The following CDKL2 variants were observed in gnomAD, a reference collection of about 807,000 sequenced individuals.
The protein encoded by CDKL2 is cyclin dependent kinase like 2.
Under a neutral mutation model 63.9 loss-of-function variants are expected in CDKL2, and 64 were observed. That is an observed-to-expected ratio of 1.00 (90% confidence interval 0.82 to 1.23). CDKL2 has a LOEUF of 1.23. CDKL2 is among the 50% of genes most tolerant of loss of function. CDKL2 has a pLI of 0.00. For synonymous variants in CDKL2, 211 were observed against 229.2 expected (o/e 0.92, Z 0.72); for missense variants, 656 against 668.0 (o/e 0.98, Z 0.20).
intron 10 of CDKL2, among the ~76,000 whole-genome samples, chr4:75,592,965 C>T (rs1402393256): frequency 2.6e-5 from 4 of 152,108 alleles, no homozygotes; most frequent in Non-Finnish European, 4.4e-5. Context: ...ATTTTTCATT[C>T]GAGAATCACA....
At chr4:75,605,777 A>G in intron 4 of CDKL2, 143 bp from the exon 5 acceptor site, 2 of 571,696 alleles carry the variant, frequency 3.5e-6, no homozygotes, top group South Asian at 2.5e-5. Context: ...GCATGCTCCA[A>G]TGGTATAATG....
At chr4:75,614,042 G>A (rs1302605457) in intron 3 of CDKL2, among the ~76,000 whole-genome samples, 1 of 152,180 alleles carries the variant, frequency 6.6e-6, no homozygotes, top group Non-Finnish European at 1.5e-5. Context: ...GGGCGAAAGA[G>A]CGAGACTCTG....
chr4:75,592,001 T>A (rs1353745392), intron 11 of CDKL2, 76 bp from the exon 12 acceptor site: 5 of 1,324,020 alleles, frequency 3.8e-6, no homozygotes, highest in Non-Finnish European at 5.2e-6. Context: ...ATTCTCTACG[T>A]GTTCCTCAGT....
At chr4:75,608,066 C>T (rs574391417) in intron 3 of CDKL2, among the ~76,000 whole-genome samples, 3 of 150,396 alleles carry the variant, frequency 2.0e-5, no homozygotes, top group East Asian at 3.9e-4. Flanking sequence ...CTGCCCGCCT[C>T]GGCCTCCCGA....
At chr4:75,626,442 G>A (rs1010589671) in intron 1 of CDKL2, among the ~76,000 whole-genome samples, 2 of 151,956 alleles carry the variant, frequency 1.3e-5, no homozygotes, top group Non-Finnish European at 2.9e-5. Context: ...CAAGGTGGGC[G>A]GATCACAAGG....
intron 9 of CDKL2, 60 bp downstream of exon 9, chr4:75,596,875 C>A (rs758345031): frequency 1.2e-5 from 16 of 1,371,394 alleles, no homozygotes; most frequent in African/African-American, 1.4e-5. Context: ...ATTGACAAAC[C>A]CTTGCAATTT....
chr4:75,598,118 C>T lies in CDKL2; in HGVS notation c.979G>A (p.Asp327Asn), dbSNP rs758426435. The T allele has an allele frequency of 6.4e-7, 1 of 1,554,976 alleles. No individual in the cohort carries two copies. Among genetic ancestry groups the T allele is most frequent in the South Asian group, 1.2e-5 (1 of 82,606 alleles). Residue 327 changes from aspartate (D) to asparagine (N), a missense_variant, in exon 8 of 14, where the codon GAT becomes AAT. Transcript: ENST00000307465. ...SQNRKKEKEK[D>N]DSLVEERKTL... ...TTTCTTTCTTCAACTAAGGAATCAT[C>T]TTTTTCTTTTTCCTTCTTTCTGTTT...
intron 5 of CDKL2, among the ~76,000 whole-genome samples, chr4:75,604,813 A>C (rs1435087788): frequency 1.3e-5 from 2 of 152,162 alleles, no homozygotes; most frequent in Non-Finnish European, 2.9e-5. Flanking sequence ...CTCTCTCTTG[A>C]GGGGAAAGGG....
chr4:75,603,735 C>G, intron 6 of CDKL2, 82 bp downstream of exon 6: 1 of 731,002 alleles, frequency 1.4e-6, no homozygotes, highest in Non-Finnish European at 2.0e-6. Flanking sequence ...AAAAGATCAA[C>G]TAGACAAGTA....
At chr4:75,626,523 C>T (rs180888196) in intron 1 of CDKL2, among the ~76,000 whole-genome samples, 35 of 152,172 alleles carry the variant, frequency 2.3e-4, no homozygotes, top group African/African-American at 7.0e-4. Context: ...AAAAATTAGC[C>T]GGACTTGGTG....
rs988035093 is a variant in CDKL2, at chr4:75,630,256, TAGG to T, written c.-247_-245del. 2.0e-5 allele frequency: 3 copies of T among 152,560 alleles called. No homozygotes were observed. The highest frequency in any genetic ancestry group is 2.9e-5 in the Non-Finnish European group (2 of 68,104). 9.5% of individuals were successfully genotyped at this position (152,560 alleles called of 1,614,324 possible). A position where few individuals can be genotyped will look rare whatever the true frequency, so the allele number is the denominator to read the frequency against. On this transcript the variant is annotated 5_prime_UTR_variant, in exon 1 of 14. Transcript: ENST00000307465. ...CCTCGGTCCGCCGCAAGCTCACACT[TAGG>T]AGGACCACGGGCCGCATGCTGTCGT... is the stretch of plus-strand genomic sequence containing the variant.
chr4:75,590,342 C>T (rs1728664884), intron 12 of CDKL2, among the ~76,000 whole-genome samples: 1 of 152,166 alleles, frequency 6.6e-6, no homozygotes, highest in Non-Finnish European at 1.5e-5. Flanking sequence ...GCAATAAACC[C>T]TTTCATCAGC....
intron 6 of CDKL2, among the ~76,000 whole-genome samples, chr4:75,600,579 T>C (rs1199313110): frequency 6.6e-6 from 1 of 151,854 alleles, no homozygotes; most frequent in African/African-American, 2.4e-5. Context: ...TCCATCTCAG[T>C]CTCCTGAGTA....
intron 8 of CDKL2, 35 bp downstream of exon 8, chr4:75,598,042 A>G: frequency 7.6e-7 from 1 of 1,320,422 alleles, no homozygotes; most frequent in Non-Finnish European, 1.0e-6. Context: ...AAAAATAAGT[A>G]TATTAAATCT....
At chr4:75,589,181 G>A (rs934757281) in intron 12 of CDKL2, among the ~76,000 whole-genome samples, 7 of 151,940 alleles carry the variant, frequency 4.6e-5, no homozygotes, top group Non-Finnish European at 8.8e-5. Flanking sequence ...CTATTAGAAA[G>A]GCTAAAATTA....
chr4:75,609,865 T>C (rs1729606534), intron 3 of CDKL2, among the ~76,000 whole-genome samples: 1 of 151,960 alleles, frequency 6.6e-6, no homozygotes, highest in African/African-American at 2.4e-5. Flanking sequence ...ATATCAGTGA[T>C]GAGGACACAG....
chr4:75,605,564 C>G lies in CDKL2; in HGVS notation c.613G>C (p.Asp205His). 6.2e-7 allele frequency: 1 copy of G among 1,612,920 alleles called. No individual in the cohort carries two copies. The change falls in exon 5 of 14, where the codon GAT (aspartate) becomes CAT (histidine). Residue 205 changes from aspartate (D) to histidine (H), a missense_variant. Transcript: ENST00000307465. ...MFMGEPLFPG[D>H]SDIDQLYHIM... Reference sequence around the variant, plus strand: ...TGATATAGCTGATCAATATCAGAATCTCCAGGAAATAGGGGTTCCCCCATG... The same window carrying G: ...TGATATAGCTGATCAATATCAGAATGTCCAGGAAATAGGGGTTCCCCCATG...
chr4:75,603,743 GTA>G lies in CDKL2; in HGVS notation c.795+72_795+73del. On this transcript the variant is annotated intron_variant, in intron 6 of 13. Transcript: ENST00000307465. ...AAAAAAAAAAAGATCAACTAGACAA[GTA>G]AAAAAAAAAAAAAAAGGTCTTGATA... 1.4e-5 allele frequency: 12 copies of G among 828,088 alleles called. No individual in the cohort carries two copies. In the South Asian group the frequency reaches 2.0e-4, roughly 14 times the overall value. The allele number at this position is 828,088 out of a possible 1,614,324, so 51.3% of individuals were successfully genotyped here.
chr4:75,599,476 G>A (rs1300880481), intron 7 of CDKL2, among the ~76,000 whole-genome samples: 1 of 140,012 alleles, frequency 7.1e-6, no homozygotes, highest in Non-Finnish European at 1.5e-5. Flanking sequence ...CAAGAGAATC[G>A]CTTGAACCCA....
Sources: gnomAD v4.1 joint callset for allele counts (sites outside exome capture counted in the v4.1 genomes callset) on GRCh38, gnomAD v4.1.1 for gene constraint, MANE v1.5 for transcripts, NCBI Gene and HGNC (gene_info 2026-07-23, HGNC 2026-07-21) for gene names.